Variants in BPIFB4 observed in about 807,000 individuals in gnomAD.
BPIFB4 encodes the protein BPI fold-containing family B member 4.
In BPIFB4, 62 loss-of-function variants were observed where a neutral mutation model predicts 69.2. That is an observed-to-expected ratio of 0.90 (90% CI 0.73 to 1.11). The LOEUF is 1.11. BPIFB4 is among the 50% of genes least tolerant of loss of function. BPIFB4 has a pLI of 0.00. For synonymous variants in BPIFB4, 330 were observed against 332.7 expected (o/e 0.99, Z 0.09); for missense variants, 789 against 792.0 (o/e 1.00, Z 0.04).
chr20:33,091,672 G>A (rs1981604397), intron 10 of BPIFB4, among the ~76,000 whole-genome samples: 1 of 152,260 alleles, frequency 6.6e-6, no homozygotes, highest in African/African-American at 2.4e-5. Flanking sequence ...GTCACCCGCT[G>A]TATGCCTGAG....
intron 10 of BPIFB4, among the ~76,000 whole-genome samples, chr20:33,091,171 G>A (rs1463088511): frequency 6.6e-6 from 1 of 152,182 alleles, no homozygotes; most frequent in Non-Finnish European, 1.5e-5. Flanking sequence ...CGAGCTACTA[G>A]GTGCTAAAAG....
At chr20:33,107,696 A>C in intron 16 of BPIFB4, 48 bp from the exon 17 acceptor site, 3 of 1,448,194 alleles carry the variant, frequency 2.1e-6, no homozygotes, top group Non-Finnish European at 2.9e-6. Context: ...TGGTGAGACC[A>C]ACACCTCTTG....
Position 33,089,024 on chromosome 20 carries a change from G to T in BPIFB4, c.985G>T (p.Asp329Tyr). ...CCGAGTCCTGGCCGACGTCCTCCCT[G>T]ACTTGGTAAGAAGCTGTCCCAGTAT... ...VNRVLADVLP[D>Y]LLCPIVDVVL... is the part of the protein sequence containing the mutation. The change falls in exon 8 of 18, where the codon GAC (aspartate) becomes TAC (tyrosine). Residue 329 changes from aspartate to tyrosine, a missense_variant. Asp to Tyr is a radical substitution (Grantham distance 160, BLOSUM62 -3). Transcript: ENST00000375483. 1 of 1,613,884 alleles carries T rather than the reference G, an allele frequency of 6.2e-7. No individual in the cohort carries two copies. Among genetic ancestry groups the T allele is most frequent in the South Asian group, 1.1e-5 (1 of 91,058 alleles).
chr20:33,100,292 G>A lies in BPIFB4; in HGVS notation c.1570-134G>A, dbSNP rs1322600722. Reference sequence around the variant, plus strand: ...GCTTATAAAAGGAGGTCTGACCCAGGCCTCGGGGAACAACCTGCCATCATG... The same window carrying A: ...GCTTATAAAAGGAGGTCTGACCCAGACCTCGGGGAACAACCTGCCATCATG... On this transcript the variant is annotated intron_variant, in intron 13 of 17. Coordinates refer to ENST00000375483, the MANE Select transcript of BPIFB4 (RefSeq NM_182519.3). 30 of 671,452 alleles carry A rather than the reference G, an allele frequency of 4.5e-5. No individual in the cohort carries two copies. In the East Asian group the frequency reaches 7.3e-4, roughly 16 times the overall value. The allele number at this position is 671,452 out of a possible 1,614,324, so 41.6% of individuals were successfully genotyped here.
At chr20:33,103,410 C>G (rs1568588249) in intron 15 of BPIFB4, among the ~76,000 whole-genome samples, 1 of 152,214 alleles carries the variant, frequency 6.6e-6, no homozygotes, top group Non-Finnish European at 1.5e-5. Flanking sequence ...CGATATCAAC[C>G]CACTCTGAGC....
chr20:33,089,368 T>G (rs916834824), intron 8 of BPIFB4, 130 bp from the exon 9 acceptor site: 13 of 1,426,964 alleles, frequency 9.1e-6, no homozygotes, highest in Non-Finnish European at 1.2e-5. Flanking sequence ...CACAGGGCTG[T>G]GGTGAGGAGA....
intron 8 of BPIFB4, 105 bp downstream of exon 8, chr20:33,089,134 A>C (rs900296470): frequency 4.8e-5 from 75 of 1,557,760 alleles, no homozygotes; most frequent in Non-Finnish European, 6.3e-5. Flanking sequence ...ACCCAGAGGG[A>C]CAGAGAGAGC....
rs931062137 is a variant in BPIFB4, at chr20:33,111,553, C to G, written c.*116C>G. ...CCCTCAGCCTCCATGACAGGTCCCTCCCTGGCCCCCCAACCCTCTTCCTCC... is the reference window on the plus strand; with the variant it reads ...CCCTCAGCCTCCATGACAGGTCCCTGCCTGGCCCCCCAACCCTCTTCCTCC... On this transcript the variant is annotated 3_prime_UTR_variant, in exon 18 of 18. Transcript: ENST00000375483. 36 of 1,300,874 alleles carry G rather than the reference C, an allele frequency of 2.8e-5. No homozygotes were observed. Among genetic ancestry groups the G allele is most frequent in the Non-Finnish European group, 3.7e-5 (34 of 917,406 alleles). 80.6% of individuals were successfully genotyped at this position (1,300,874 alleles called of 1,614,324 possible).
chr20:33,083,248 C>G, intron 4 of BPIFB4, 119 bp from the exon 5 acceptor site: 2 of 835,322 alleles, frequency 2.4e-6, no homozygotes, highest in African/African-American at 7.6e-5. Flanking sequence ...TGCTGGGTGG[C>G]AGTGGTGGGG....
intron 5 of BPIFB4, 143 bp from the exon 6 acceptor site, chr20:33,084,749 G>T: frequency 7.0e-7 from 1 of 1,431,862 alleles, no homozygotes; most frequent in South Asian, 1.5e-5. Flanking sequence ...TCCACATTCT[G>T]TCCTTGAACT....
rs370810249 is a variant in BPIFB4 at position 33,100,504 on chromosome 20, A to G, written c.1637+11A>G. 28 of 1,605,690 alleles carry G rather than the reference A, an allele frequency of 1.7e-5. No individual in the cohort carries two copies. In the South Asian group the frequency reaches 2.4e-4, roughly 14 times the overall value. The stretch of plus-strand genomic sequence containing the variant: ...TGCCAAGCTGGAGAAGTAAGGGGCT[A>G]TGCTGCCTTGGGGTCCTGACGGTGC... On this transcript the variant is annotated intron_variant, in intron 14 of 17. Coordinates refer to ENST00000375483, the MANE Select transcript of BPIFB4 (RefSeq NM_182519.3).
At chr20:33,108,423 C>CTATACATATATATATATATATATATATA (rs1982136647) in intron 17 of BPIFB4, among the ~76,000 whole-genome samples, 1 of 125,704 alleles carries the variant, frequency 8.0e-6, no homozygotes, top group African/African-American at 3.2e-5. Flanking sequence ...ATATATATGT[C>CTATACATATATATATATATATATATATA]TATATATATA....
rs1264950556 is a variant in BPIFB4, at chr20:33,111,541, T to C, written c.*104T>C. 9.0e-6 allele frequency: 13 copies of C among 1,437,276 alleles called. No individual in the cohort carries two copies. The highest frequency in any genetic ancestry group is 1.3e-5 in the Non-Finnish European group (13 of 1,033,410). 89.0% of individuals were successfully genotyped at this position (1,437,276 alleles called of 1,614,324 possible). ...CTGCCCAGAGTCCCCTCAGCCTCCA[T>C]GACAGGTCCCTCCCTGGCCCCCCAA... is the stretch of plus-strand genomic sequence containing the variant. On this transcript the variant is annotated 3_prime_UTR_variant, in exon 18 of 18. Transcript: ENST00000375483.
chr20:33,088,936 C>T (rs756889167), intron 7 of BPIFB4, 30 bp from the exon 8 acceptor site: 20 of 1,613,074 alleles, frequency 1.2e-5, no homozygotes, highest in Non-Finnish European at 1.6e-5. Context: ...GGCTGCGAGC[C>T]TTGACCTCAT....
intron 17 of BPIFB4, 42 bp downstream of exon 17, chr20:33,107,862 C>G (rs769104384): frequency 6.5e-7 from 1 of 1,537,228 alleles, no homozygotes; most frequent in Admixed American, 1.7e-5. Context: ...CCTCCCTGCC[C>G]TTTGCTCATC....
intron 13 of BPIFB4, among the ~76,000 whole-genome samples, chr20:33,098,946 C>T (rs955434037): frequency 2.6e-5 from 4 of 151,536 alleles, no homozygotes; most frequent in Non-Finnish European, 5.9e-5. Flanking sequence ...GCCTGGGATG[C>T]TCTTCCCCCA....
chr20:33,092,490 CG>C lies in BPIFB4; in HGVS notation c.1177del (p.Asp393ThrfsTer39), dbSNP rs749627205. On this transcript the variant is annotated frameshift_variant, in exon 11 of 18. Coordinates refer to ENST00000375483, the MANE Select transcript of BPIFB4 (RefSeq NM_182519.3). LOFTEE classifies it high-confidence loss of function. ...TTGGGGAGGCTGGAGGAGGACTCAT[CG>C]ACTACCCATTGGGGTGGCCAGCTGT... ...LVGEAGGGLI[D>X]YPLGWPAVSP... 101 of 1,613,948 alleles carry C rather than the reference CG, an allele frequency of 6.3e-5. No homozygotes were observed. The African/African-American group carries it at 1.2e-3, about 20-fold the overall frequency.
Position 33,097,722 on chromosome 20 carries a change from G to A in BPIFB4, c.1504G>A (p.Ala502Thr), listed in dbSNP as rs1213658352. The stretch of plus-strand genomic sequence containing the variant: ...GGACAAAGCGCTGGTGAAGGTGTTG[G>A]CCACTGCCGAGGTCATGGTCTCCCA... Reference protein sequence around the residue: ...QKDKALVKVLATAEVMVSQPK... With the variant: ...QKDKALVKVLTTAEVMVSQPK... Residue 502 changes from alanine (A) to threonine (T), a missense_variant, in exon 13 of 18, where the codon GCC becomes ACC. Physicochemically the swap from Ala to Thr is moderately conservative, Grantham distance 58 (BLOSUM62 0). Around this residue, in one of 3 missense-constraint regions of BPIFB4, gnomAD observed 170 missense variants for 193.6 expected, o/e 0.88. Coordinates refer to ENST00000375483, the MANE Select transcript of BPIFB4 (RefSeq NM_182519.3). The A allele has an allele frequency of 6.2e-7, 1 of 1,614,166 alleles. No homozygotes were observed. Among genetic ancestry groups the A allele is most frequent in the Non-Finnish European group, 8.5e-7 (1 of 1,180,010 alleles).
intron 13 of BPIFB4, among the ~76,000 whole-genome samples, chr20:33,100,050 C>T (rs537893164): frequency 1.2e-4 from 18 of 152,210 alleles, no homozygotes; most frequent in African/African-American, 4.3e-4. Context: ...ACGAGCCACT[C>T]CCCACCCACT....
Sources: allele counts gnomAD v4.1 joint callset (sites outside exome capture counted in the v4.1 genomes callset), GRCh38; gene constraint gnomAD v4.1.1; regional missense constraint gnomAD v4.1.1; transcripts MANE v1.5; gene names NCBI Gene and HGNC (gene_info 2026-07-23, HGNC 2026-07-21).